Variants in PFKFB3 observed in about 807,000 individuals in gnomAD.
The protein encoded by PFKFB3 is 6-phosphofructo-2-kinase/fructose-2,6-bisphosphatase 3.
A neutral mutation model predicts 68.0 loss-of-function variants in PFKFB3; 33 were observed. The observed-to-expected ratio is 0.49, with a 90% CI of 0.37 to 0.65. The LOEUF (loss-of-function observed/expected upper bound fraction) is 0.65, where lower values mean the gene tolerates loss of function less well. Among genes scored for constraint, PFKFB3 ranks in the 30% least tolerant of loss-of-function variants. PFKFB3 has a pLI of 0.00. For synonymous variants in PFKFB3, 315 were observed against 288.2 expected (o/e 1.09, Z -0.94); for missense variants, 586 against 712.2 (o/e 0.82, Z 2.02).
intron 1 of PFKFB3, among the ~76,000 whole-genome samples, chr10:6,190,813 C>T (rs1289371335): frequency 6.6e-6 from 1 of 152,118 alleles, no homozygotes; most frequent in Non-Finnish European, 1.5e-5. Flanking sequence ...GGGTCTTGCT[C>T]TGTCACCCAG....
At chr10:6,232,355 C>G (rs1291263920) in intron 14 of PFKFB3, among the ~76,000 whole-genome samples, 1 of 152,184 alleles carries the variant, frequency 6.6e-6, no homozygotes, top group Admixed American at 6.5e-5. Flanking sequence ...CAACACCCCT[C>G]TGCCTGGCTC....
intron 14 of PFKFB3, among the ~76,000 whole-genome samples, chr10:6,244,712 G>A (rs779436461): frequency 2.6e-5 from 4 of 151,446 alleles, no homozygotes; most frequent in Non-Finnish European, 5.9e-5. Flanking sequence ...AAGCTGGAAA[G>A]GGCAGCTAAG....
Position 6,232,955 on chromosome 10 carries a change from G to C in PFKFB3, c.*13G>C, listed in dbSNP as rs193259523. 3 of 1,605,684 alleles carry C rather than the reference G, an allele frequency of 1.9e-6. No homozygotes were observed. The highest frequency in any genetic ancestry group is 2.6e-6 in the Non-Finnish European group (3 of 1,172,640). On this transcript the variant is annotated 3_prime_UTR_variant, in exon 15 of 15. Transcript: ENST00000379775. ...CAGGAAACACTGAGGCAGACGTGTC[G>C]GTTCCATTCCATTTCCATTTCTGCA... is the stretch of plus-strand genomic sequence containing the variant.
At chr10:6,177,597 C>T (rs2131774137) in intron 1 of PFKFB3, among the ~76,000 whole-genome samples, 1 of 149,978 alleles carries the variant, frequency 6.7e-6, no homozygotes. Context: ...GCGATCTCGG[C>T]TCACTACAAC....
chr10:6,181,609 C>T (rs572202764), intron 1 of PFKFB3, among the ~76,000 whole-genome samples: 5 of 152,030 alleles, frequency 3.3e-5, no homozygotes, highest in Non-Finnish European at 7.4e-5. Flanking sequence ...TGGTTCAGTC[C>T]AGGAGTTCAA....
intron 1 of PFKFB3, among the ~76,000 whole-genome samples, chr10:6,207,722 G>T (rs1293679818): frequency 6.6e-6 from 1 of 152,212 alleles, no homozygotes; most frequent in South Asian, 2.1e-4. Flanking sequence ...GCACCTTAAC[G>T]GGATGCCCTG....
At chr10:6,170,449 G>A (rs1672890928) in intron 1 of PFKFB3, among the ~76,000 whole-genome samples, 1 of 152,224 alleles carries the variant, frequency 6.6e-6, no homozygotes, top group African/African-American at 2.4e-5. Flanking sequence ...GGGTGCAGTG[G>A]TGCATGCCTG....
At position 6,234,435 on chromosome 10, in the gene PFKFB3, G is replaced by C. The variant is rs1588554713; in HGVS notation, c.*1493G>C. 1 of 152,338 alleles carries C rather than the reference G, an allele frequency of 6.6e-6. No individual in the cohort carries two copies. Among genetic ancestry groups the C allele is most frequent in the East Asian group, 1.9e-4 (1 of 5,292 alleles). The allele number at this position is 152,338 out of a possible 1,614,324, so 9.4% of individuals were successfully genotyped here. ...AGAATGCATGTTTTTTTCCTGGTTG[G>C]AATTGAGTAGGAACTGAGGCTGTGC... On this transcript the variant is annotated 3_prime_UTR_variant, in exon 15 of 15. Coordinates refer to ENST00000379775, the MANE Select transcript of PFKFB3 (RefSeq NM_004566.4).
chr10:6,223,216 G>T (rs1845088049), intron 11 of PFKFB3, among the ~76,000 whole-genome samples: 1 of 152,198 alleles, frequency 6.6e-6, no homozygotes, highest in Admixed American at 6.5e-5. Flanking sequence ...GGACTTCATT[G>T]CTTCATAAAC....
intron 1 of PFKFB3, among the ~76,000 whole-genome samples, chr10:6,213,305 A>G (rs1844351417): frequency 6.6e-6 from 1 of 152,152 alleles, no homozygotes; most frequent in African/African-American, 2.4e-5. Flanking sequence ...GGATTGTTTG[A>G]GACCAGGACT....
chr10:6,195,250 G>A (rs1843146326), intron 1 of PFKFB3, among the ~76,000 whole-genome samples: 2 of 152,168 alleles, frequency 1.3e-5, no homozygotes, highest in Non-Finnish European at 2.9e-5. Context: ...GACATGGGGT[G>A]GGGTGGTTTA....
the PFKFB3 span, among the ~76,000 whole-genome samples, chr10:6,317,625 C>G: frequency 6.6e-6 from 1 of 152,084 alleles, no homozygotes; most frequent in South Asian, 2.1e-4. Context: ...GATGGGCTAT[C>G]GTAGCAGGAA....
At chr10:6,316,593 T>C in the PFKFB3 span, among the ~76,000 whole-genome samples, 94 of 152,274 alleles carry the variant, frequency 6.2e-4, 1 homozygote, top group East Asian at 0.017. Context: ...ATCCTGTGCC[T>C]CAACCTCCTG....
chr10:6,217,293 G>C (rs1844649642), intron 6 of PFKFB3, 102 bp downstream of exon 6: 1 of 1,029,196 alleles, frequency 9.7e-7, no homozygotes, highest in South Asian at 1.3e-5. Flanking sequence ...AAGCGCAGCT[G>C]AGCCCTTAGG....
At chr10:6,212,603 A>G (rs1023923142) in intron 1 of PFKFB3, among the ~76,000 whole-genome samples, 1 of 152,090 alleles carries the variant, frequency 6.6e-6, no homozygotes, top group African/African-American at 2.4e-5. Flanking sequence ...CACTGGGGTA[A>G]TTTTAGCATT....
the PFKFB3 span, among the ~76,000 whole-genome samples, chr10:6,322,534 A>G: frequency 1.3e-5 from 2 of 152,096 alleles, no homozygotes; most frequent in Non-Finnish European, 2.9e-5. Context: ...AAACTTGTCA[A>G]TGGCTTCCCA....
chr10:6,302,583 G>C, the PFKFB3 span, among the ~76,000 whole-genome samples: 1 of 150,302 alleles, frequency 6.7e-6, no homozygotes, highest in East Asian at 2.0e-4. Flanking sequence ...GTTTCACCAT[G>C]TTGGCCAGGC....
intron 1 of PFKFB3, among the ~76,000 whole-genome samples, chr10:6,168,559 G>A (rs1842206172): frequency 1.3e-5 from 2 of 152,204 alleles, no homozygotes; most frequent in Non-Finnish European, 2.9e-5. Flanking sequence ...CCACCCTGCT[G>A]GTGGCCACTG....
At chr10:6,275,401 C>T in the PFKFB3 span, among the ~76,000 whole-genome samples, 1 of 152,210 alleles carries the variant, frequency 6.6e-6, no homozygotes, top group Non-Finnish European at 1.5e-5. The surrounding 1 kb of genome is among the most constrained non-coding windows in gnomAD (Gnocchi z 4.9). Context: ...CAGGAAGTAG[C>T]TGACACTCCA....
Sources: gnomAD v4.1 joint callset for allele counts (sites outside exome capture counted in the v4.1 genomes callset) on GRCh38, gnomAD v4.1.1 for gene constraint, Gnocchi (gnomAD v3.1) non-coding constraint, MANE v1.5 for transcripts, NCBI Gene and HGNC (gene_info 2026-07-23, HGNC 2026-07-21) for gene names.